Variants in INSYN2B observed in about 807,000 individuals in gnomAD.
INSYN2B encodes protein INSYN2B.
A neutral mutation model predicts 41.2 loss-of-function variants in INSYN2B; 16 were observed. That is an observed-to-expected ratio of 0.39 (90% CI 0.26 to 0.59). INSYN2B has a LOEUF of 0.59. INSYN2B is among the 20% of genes least tolerant of loss of function. The probability of loss-of-function intolerance (pLI) is 0.57; values close to 1 mark genes in which losing one functional copy is unlikely to be tolerated. For synonymous variants in INSYN2B, 245 were observed against 244.4 expected (o/e 1.00, Z -0.02); for missense variants, 608 against 646.4 (o/e 0.94, Z 0.64).
chr5:169,929,310 G>A (rs762477682), intron 1 of INSYN2B, among the ~76,000 whole-genome samples: 6 of 152,096 alleles, frequency 3.9e-5, no homozygotes, highest in Non-Finnish European at 8.8e-5. Flanking sequence ...ACACCAACAA[G>A]TTCATCTCAC....
intron 1 of INSYN2B, among the ~76,000 whole-genome samples, chr5:169,887,371 GA>G (rs1026198080): frequency 6.6e-6 from 1 of 152,074 alleles, no homozygotes; most frequent in African/African-American, 2.4e-5. Flanking sequence ...ACAAAAGGAA[GA>G]AAAAAATCAC....
intron 1 of INSYN2B, among the ~76,000 whole-genome samples, chr5:169,960,936 G>T (rs1054067437): frequency 4.6e-5 from 7 of 152,122 alleles, no homozygotes; most frequent in African/African-American, 1.7e-4. Context: ...TTCAGTATAG[G>T]CTATGAACTG....
At chr5:169,876,099 C>T (rs183883136) in intron 3 of INSYN2B, among the ~76,000 whole-genome samples, 171 of 152,282 alleles carry the variant, frequency 1.1e-3, no homozygotes, top group African/African-American at 3.8e-3. Flanking sequence ...CTTGTGACCA[C>T]GGCACTCTGA....
At chr5:169,977,216 T>C (rs1176062644) in intron 1 of INSYN2B, among the ~76,000 whole-genome samples, 1 of 152,214 alleles carries the variant, frequency 6.6e-6, no homozygotes, top group African/African-American at 2.4e-5. Flanking sequence ...ACACTGGACT[T>C]ACTGAACAGT....
At chr5:169,956,449 A>G (rs1776869490) in intron 1 of INSYN2B, among the ~76,000 whole-genome samples, 1 of 152,194 alleles carries the variant, frequency 6.6e-6, no homozygotes, top group Non-Finnish European at 1.5e-5. Context: ...TACTGCAGCG[A>G]CTTTAAGCAC....
intron 1 of INSYN2B, among the ~76,000 whole-genome samples, chr5:169,966,111 G>C (rs1777288296): frequency 6.6e-6 from 1 of 152,226 alleles, no homozygotes; most frequent in Non-Finnish European, 1.5e-5. Flanking sequence ...ATACTTTGAA[G>C]TTGTAAGGCC....
At chr5:169,903,435 G>A (rs1272200248) in intron 1 of INSYN2B, among the ~76,000 whole-genome samples, 1 of 151,746 alleles carries the variant, frequency 6.6e-6, no homozygotes, top group African/African-American at 2.4e-5. Context: ...TGTTTCTGTG[G>A]TGGTGTGAGT....
chr5:169,867,951 A>G (rs1294842378), intron 3 of INSYN2B, among the ~76,000 whole-genome samples: 1 of 152,182 alleles, frequency 6.6e-6, no homozygotes, highest in African/African-American at 2.4e-5. Context: ...CCAGGAACAC[A>G]CATAGTTCAC....
chr5:169,915,557 A>AACAC (rs56728646), intron 1 of INSYN2B, among the ~76,000 whole-genome samples: 5,087 of 143,436 alleles, frequency 0.035, 86 homozygotes, highest in Middle Eastern at 0.07. Context: ...ATTGACAGGG[A>AACAC]ACACACACAC....
chr5:169,939,024 C>T (rs1776115844), intron 1 of INSYN2B, among the ~76,000 whole-genome samples: 1 of 151,772 alleles, frequency 6.6e-6, no homozygotes, highest in African/African-American at 2.4e-5. Context: ...CTACCTTAGC[C>T]TCGGGAGTAG....
intron 3 of INSYN2B, chr5:169,875,181 T>TA (rs1581337504): frequency 2.2e-6 from 1 of 454,194 alleles, no homozygotes; most frequent in East Asian, 7.0e-5. Context: ...CCTGATTTTT[T>TA]ACCTAAAAAA....
intron 1 of INSYN2B, among the ~76,000 whole-genome samples, chr5:169,977,981 C>T (rs566363497): frequency 1.1e-4 from 16 of 152,260 alleles, no homozygotes; most frequent in South Asian, 2.1e-4. Flanking sequence ...TGAGTGCATT[C>T]GGCCACTCCT....
At position 169,910,486 on chromosome 5, in the gene INSYN2B, C is replaced by T. The variant is rs372996841; in HGVS notation, c.-918-25670G>A. Among the ~76,000 whole-genome samples, 554 of 152,254 alleles carry T rather than the reference C, an allele frequency of 3.6e-3. 35 individuals are homozygous for T. In the South Asian group the frequency reaches 0.11, roughly 30 times the overall value. On this transcript the variant is annotated intron_variant, in intron 1 of 3. Coordinates refer to ENST00000377365, the MANE Select transcript of INSYN2B (RefSeq NM_001129891.3). ...TGATTGTGCCGCCTGTGGTTGGAGG[C>T]GTGCTTACCTTTTCTCAGGCCTGAT... is the stretch of plus-strand genomic sequence containing the variant.
At chr5:169,925,915 C>A (rs1775425821) in intron 1 of INSYN2B, among the ~76,000 whole-genome samples, 1 of 152,130 alleles carries the variant, frequency 6.6e-6, no homozygotes, top group Non-Finnish European at 1.5e-5. Context: ...CTTGTGTTTC[C>A]CGCAGAGACT....
intron 1 of INSYN2B, among the ~76,000 whole-genome samples, chr5:169,950,056 C>T (rs1395183671): frequency 6.6e-6 from 1 of 152,148 alleles, no homozygotes; most frequent in East Asian, 1.9e-4. Flanking sequence ...GGATCCAGTG[C>T]CATCTCTTCT....
chr5:169,899,032 G>T (rs1358423371), intron 1 of INSYN2B, among the ~76,000 whole-genome samples: 1 of 152,220 alleles, frequency 6.6e-6, no homozygotes, highest in East Asian at 1.9e-4. Flanking sequence ...AATGGTGTTT[G>T]CTCTCTGAGA....
chr5:169,894,249 T>G (rs2113551696), intron 1 of INSYN2B, among the ~76,000 whole-genome samples: 1 of 152,238 alleles, frequency 6.6e-6, no homozygotes, highest in South Asian at 2.1e-4. Context: ...ATGAAGGTGG[T>G]CTGGCAGGAC....
chr5:169,895,672 C>G (rs1283437508), intron 1 of INSYN2B, among the ~76,000 whole-genome samples: 1 of 152,082 alleles, frequency 6.6e-6, no homozygotes, highest in Non-Finnish European at 1.5e-5. Context: ...GGGTGACATT[C>G]CATCTCCTGG....
At chr5:169,957,139 A>G (rs1776903042) in intron 1 of INSYN2B, among the ~76,000 whole-genome samples, 1 of 152,160 alleles carries the variant, frequency 6.6e-6, no homozygotes, top group Non-Finnish European at 1.5e-5. Flanking sequence ...GGCAGGGACT[A>G]TGTGTGATTT....
Sources: allele counts gnomAD v4.1 joint callset (sites outside exome capture counted in the v4.1 genomes callset), GRCh38; gene constraint gnomAD v4.1.1; transcripts MANE v1.5; gene names NCBI Gene and HGNC (gene_info 2026-07-23, HGNC 2026-07-21).